The following SCHIP1 variants were observed in gnomAD, a reference collection of about 807,000 sequenced individuals.
SCHIP1 encodes the protein schwannomin interacting protein 1.
A neutral mutation model predicts 29.7 loss-of-function variants in SCHIP1; 8 were observed. The observed-to-expected ratio is 0.27, with a 90% confidence interval of 0.16 to 0.49. SCHIP1 has a LOEUF of 0.49. Among genes scored for constraint, SCHIP1 ranks in the 20% least tolerant of loss-of-function variants. The probability of loss-of-function intolerance (pLI) is 0.99; values close to 1 mark genes in which losing one functional copy is unlikely to be tolerated. For missense variants in SCHIP1, 193 were observed against 294.6 expected (o/e 0.66, Z 2.52); for synonymous variants, 76 against 94.9 (o/e 0.80, Z 1.16).
the SCHIP1 span, among the ~76,000 whole-genome samples, chr3:159,736,231 CA>C: frequency 6.6e-6 from 1 of 152,164 alleles, no homozygotes; most frequent in South Asian, 2.1e-4. Flanking sequence ...CTGAGGCAAC[CA>C]TAGACCTGCT....
chr3:159,548,618 A>T, the SCHIP1 span, among the ~76,000 whole-genome samples: 1 of 151,754 alleles, frequency 6.6e-6, no homozygotes, highest in Non-Finnish European at 1.5e-5. Context: ...AGTTCTTTCT[A>T]TTGGATTATT....
chr3:159,813,449 G>GAGCCCAGGAGGCAGGAGGATCTCCTA, the SCHIP1 span, among the ~76,000 whole-genome samples: 67 of 152,300 alleles, frequency 4.4e-4, no homozygotes, highest in East Asian at 0.013. Flanking sequence ...AGGATCTCTT[G>GAGCCCAGGAGGCAGGAGGATCTCCTA]AGCCCAGGAG....
At chr3:159,304,022 C>T in the SCHIP1 span, among the ~76,000 whole-genome samples, 1 of 147,760 alleles carries the variant, frequency 6.8e-6, no homozygotes, top group Admixed American at 6.8e-5. Context: ...CTCCCCCAAC[C>T]CCACAGCAGG....
At chr3:159,639,272 G>T in the SCHIP1 span, among the ~76,000 whole-genome samples, 519 of 152,094 alleles carry the variant, frequency 3.4e-3, 5 homozygotes, top group African/African-American at 0.012. Context: ...CCATTTATTG[G>T]ATCTTAAATG....
At chr3:159,543,117 G>A in the SCHIP1 span, among the ~76,000 whole-genome samples, 1 of 148,022 alleles carries the variant, frequency 6.8e-6, no homozygotes, top group African/African-American at 2.5e-5. Context: ...ATACATGTGT[G>A]TATATATATA....
chr3:159,488,761 T>C, the SCHIP1 span, among the ~76,000 whole-genome samples: 8 of 152,174 alleles, frequency 5.3e-5, no homozygotes, highest in African/African-American at 1.9e-4. Context: ...AACTGTGCAA[T>C]GTCATAGGAA....
chr3:159,451,298 A>C, the SCHIP1 span, among the ~76,000 whole-genome samples: 1 of 152,230 alleles, frequency 6.6e-6, no homozygotes, highest in Non-Finnish European at 1.5e-5. Flanking sequence ...CTGATGACAC[A>C]TGTCTTTCTA....
the SCHIP1 span, chr3:159,274,505 T>C: frequency 2.7e-6 from 2 of 735,426 alleles, no homozygotes; most frequent in Non-Finnish European, 3.3e-6. Context: ...TTTAGCATTA[T>C]TGAAAATAAT....
At chr3:159,864,469 CTACACA>C (rs1714394273) in intron 1 of SCHIP1, among the ~76,000 whole-genome samples, 1 of 81,228 alleles carries the variant, frequency 1.2e-5, no homozygotes, top group South Asian at 4.8e-4. Context: ...TATGGCTGTA[CTACACA>C]CACACACACA....
intron 5 of SCHIP1, among the ~76,000 whole-genome samples, chr3:159,890,459 C>T (rs1265845893): frequency 3.9e-5 from 6 of 152,032 alleles, no homozygotes; most frequent in Non-Finnish European, 7.4e-5. Context: ...TGAAATTTTT[C>T]CACAAGATCC....
chr3:159,712,033 A>C, the SCHIP1 span, among the ~76,000 whole-genome samples: 1 of 152,160 alleles, frequency 6.6e-6, no homozygotes, highest in East Asian at 1.9e-4. Context: ...CAACAGCTTA[A>C]AGATGCTGCT....
chr3:159,876,641 G>A, intron 2 of SCHIP1, among the ~76,000 whole-genome samples: 1 of 152,192 alleles, frequency 6.6e-6, no homozygotes, highest in East Asian at 1.9e-4. Flanking sequence ...TTTAAACGGT[G>A]ACACATGCCT....
the SCHIP1 span, among the ~76,000 whole-genome samples, chr3:159,626,170 ATCTATC>A: frequency 5.1e-4 from 28 of 54,878 alleles, 1 homozygote; most frequent in African/African-American, 3.2e-3. Context: ...ATCTAGATAT[ATCTATC>A]TATCTAGATA....
chr3:159,400,147 G>A, the SCHIP1 span, among the ~76,000 whole-genome samples: 2 of 152,162 alleles, frequency 1.3e-5, no homozygotes, highest in African/African-American at 4.8e-5. Flanking sequence ...ACACTTTTCT[G>A]TATGTTAGCA....
chr3:159,714,499 G>A, the SCHIP1 span, among the ~76,000 whole-genome samples: 1 of 152,216 alleles, frequency 6.6e-6, no homozygotes, highest in Non-Finnish European at 1.5e-5. Context: ...TCGTAGCTAA[G>A]GGAAGCCATG....
chr3:159,741,134 C>G, the SCHIP1 span, among the ~76,000 whole-genome samples: 1 of 152,044 alleles, frequency 6.6e-6, no homozygotes, highest in Non-Finnish European at 1.5e-5. Flanking sequence ...CTGGAGAGTA[C>G]CAGACACTCA....
At chr3:159,741,060 C>T in the SCHIP1 span, among the ~76,000 whole-genome samples, 1 of 152,222 alleles carries the variant, frequency 6.6e-6, no homozygotes, top group Non-Finnish European at 1.5e-5. Flanking sequence ...TCTCCCTCCA[C>T]TAGCTCTTAA....
intron 2 of SCHIP1, among the ~76,000 whole-genome samples, chr3:159,876,382 A>T (rs1715812169): frequency 6.6e-6 from 1 of 152,214 alleles, no homozygotes; most frequent in Admixed American, 6.5e-5. Context: ...GCTTACTAGC[A>T]CTTACTAATG....
At chr3:159,278,580 T>A in the SCHIP1 span, among the ~76,000 whole-genome samples, 3 of 152,214 alleles carry the variant, frequency 2.0e-5, no homozygotes, top group Non-Finnish European at 4.4e-5. Flanking sequence ...CCTTTCAATC[T>A]GTATAGCTAT....
Sources: gnomAD v4.1 joint callset for allele counts (sites outside exome capture counted in the v4.1 genomes callset) on GRCh38, gnomAD v4.1.1 for gene constraint, MANE v1.5 for transcripts, NCBI Gene and HGNC (gene_info 2026-07-23, HGNC 2026-07-21) for gene names.